MED14: variants seen among roughly 807,000 people sequenced by gnomAD.
MED14 encodes the protein mediator of RNA polymerase II transcription subunit 14.
MED14 carries 8 observed loss-of-function variants against 109.0 expected under a neutral mutation model. The ratio of observed to expected loss-of-function variants is 0.07; its 90% CI spans 0.04 to 0.13. The LOEUF is 0.13. MED14 is among the 10% of genes least tolerant of loss of function. The pLI, the probability that MED14 is intolerant of heterozygous loss-of-function variation, is 1.00. For missense variants in MED14, 711 were observed against 1,142.4 expected (o/e 0.62, Z 5.44); for synonymous variants, 399 against 408.7 (o/e 0.98, Z 0.29).
chrX:40,650,262 C>T lies in MED14; in HGVS notation c.*1544G>A. 2.7e-6 allele frequency: 2 copies of T among 753,150 alleles called. No homozygotes were observed. Among genetic ancestry groups the T allele is most frequent in the Non-Finnish European group, 3.1e-6 (2 of 638,495 alleles). The allele number at this position is 753,150 out of a possible 1,213,427, so 62.1% of individuals were successfully genotyped here. A position where few individuals can be genotyped will look rare whatever the true frequency, so the allele number is the denominator to read the frequency against. On this transcript the variant is annotated 3_prime_UTR_variant, in exon 31 of 31. Transcript: ENST00000324817. Reference sequence around the variant, plus strand: ...TTGGGTGAGAAGTGGGAGATGAAGGCAGAAATAAGACAAAGAAGAAAGGCA... The same window carrying T: ...TTGGGTGAGAAGTGGGAGATGAAGGTAGAAATAAGACAAAGAAGAAAGGCA...
intron 21 of MED14, among the ~76,000 whole-genome samples, chrX:40,679,593 A>C (rs1930040229): frequency 8.9e-6 from 1 of 112,308 alleles, no homozygotes; most frequent in East Asian, 2.8e-4. Context: ...TCCAAAGACC[A>C]AACACAAATT....
At chrX:40,712,585 A>T (rs1931374486) in intron 6 of MED14, among the ~76,000 whole-genome samples, 1 of 111,787 alleles carries the variant, frequency 8.9e-6, no homozygotes, top group Non-Finnish European at 1.9e-5. Context: ...GCTAGAGTGC[A>T]GTGGCATGAT....
chrX:40,652,235 T>A (rs1231765130), intron 30 of MED14, among the ~76,000 whole-genome samples: 1 of 112,125 alleles, frequency 8.9e-6, no homozygotes, highest in Non-Finnish European at 1.9e-5. Context: ...CATAAAAACA[T>A]CTAGTTTATA....
chrX:40,697,771 C>A (rs1276146390), intron 12 of MED14, among the ~76,000 whole-genome samples: 1 of 111,900 alleles, frequency 8.9e-6, no homozygotes, highest in Non-Finnish European at 1.9e-5. Flanking sequence ...AATGAAACTA[C>A]AGAAAATAAG....
intron 22 of MED14, among the ~76,000 whole-genome samples, chrX:40,672,376 G>A (rs760139479): frequency 9.0e-6 from 1 of 111,709 alleles, no homozygotes; most frequent in East Asian, 2.8e-4. Context: ...AGTTTAACTG[G>A]CAGTGTTTTT....
At chrX:40,692,066 A>G (rs1486505461) in intron 15 of MED14, 117 bp downstream of exon 15, 2 of 644,658 alleles carry the variant, frequency 3.1e-6, no homozygotes, top group Non-Finnish European at 4.6e-6. Context: ...TCCTCCCAAA[A>G]TGAACAGGAT....
chrX:40,707,550 A>C (rs1300854755), intron 10 of MED14, among the ~76,000 whole-genome samples: 1 of 112,341 alleles, frequency 8.9e-6, no homozygotes, highest in Non-Finnish European at 1.9e-5. Context: ...AACAATGATG[A>C]ATGGATAAAC....
At chrX:40,653,570 C>CA (rs1177272306) in intron 30 of MED14, among the ~76,000 whole-genome samples, 1 of 112,020 alleles carries the variant, frequency 8.9e-6, no homozygotes, top group Admixed American at 9.5e-5. Flanking sequence ...GAGAGAGATA[C>CA]AGAGAACTTC....
At chrX:40,736,080 C>T (rs1215754154), upstream of MED14, among the ~76,000 whole-genome samples, 3 of 112,149 alleles carry the variant, frequency 2.7e-5, no homozygotes, top group Admixed American at 9.3e-5. Flanking sequence ...GGGAGGCCTC[C>T]TCTAAATGTT....
chrX:40,653,719 C>G (rs1486011193), intron 30 of MED14, among the ~76,000 whole-genome samples: 4 of 111,749 alleles, frequency 3.6e-5, no homozygotes, highest in Non-Finnish European at 7.5e-5. Context: ...TAAGTGAAGT[C>G]TACTCCAGTA....
At chrX:40,734,723 CACTCA>C (rs1024317981) in intron 1 of MED14, among the ~76,000 whole-genome samples, 4 of 112,550 alleles carry the variant, frequency 3.6e-5, no homozygotes, top group Non-Finnish European at 7.5e-5. Flanking sequence ...AGACCTCAAA[CACTCA>C]AAAGTTCCAG....
chrX:40,675,166 G>A (rs1330031289), intron 22 of MED14, 55 bp downstream of exon 22: 1 of 1,085,313 alleles, frequency 9.2e-7, no homozygotes, highest in Non-Finnish European at 1.2e-6. Context: ...GACACCTATA[G>A]AACCTGTGAA....
At chrX:40,707,268 T>C (rs1931185881) in intron 10 of MED14, among the ~76,000 whole-genome samples, 1 of 112,324 alleles carries the variant, frequency 8.9e-6, no homozygotes. Context: ...CAAATGTTAC[T>C]GAGATAACTG....
rs148661746 is a variant in MED14 at position 40,672,259 on chromosome X, C to T, written c.3022-287G>A. Among the ~76,000 whole-genome samples the T allele has an allele frequency of 7.5e-4, 84 of 112,148 alleles. 1 individual carries two copies. The East Asian group carries it at 8.3e-3, about 11-fold the overall frequency. On this transcript the variant is annotated intron_variant, in intron 22 of 30. Coordinates refer to ENST00000324817, the MANE Select transcript of MED14 (RefSeq NM_004229.4). ...GCTCATTTTCTATCTAGCATATAAC[C>T]GATTTATCTCTATTATTTATCTACC...
At chrX:40,666,239 T>C (rs781054136) in intron 24 of MED14, among the ~76,000 whole-genome samples, 104 of 112,077 alleles carry the variant, frequency 9.3e-4, no homozygotes, top group Non-Finnish European at 1.6e-3. Flanking sequence ...ACTAGGTGGT[T>C]AGTGGAATAA....
chrX:40,683,278 G>GT (rs1315683097), intron 16 of MED14, among the ~76,000 whole-genome samples: 1 of 111,929 alleles, frequency 8.9e-6, no homozygotes, highest in Non-Finnish European at 1.9e-5. Flanking sequence ...AAGAATACTG[G>GT]TTTTCTACAA....
chrX:40,665,118 T>C (rs1429174311), intron 24 of MED14, among the ~76,000 whole-genome samples: 4 of 112,389 alleles, frequency 3.6e-5, no homozygotes, highest in Admixed American at 9.5e-5. Context: ...AAAATACTTT[T>C]ACCATGTATA....
chrX:40,713,884 T>C lies in MED14; in HGVS notation c.546A>G (p.Pro182=), dbSNP rs770136909. 5.0e-6 allele frequency: 6 copies of C among 1,210,005 alleles called. No individual in the cohort carries two copies. The South Asian group carries it at 1.1e-4, about 21-fold the overall frequency. The part of the protein sequence containing the change: ...CIRDKIIPPD[P]ITKIEKQATL... ...TGGCTTGTTTTTCAATTTTGGTAAT[T>C]GGGTCTGGAGGAATAATTTTGTCCT... The change falls in exon 5 of 31, where the codon CCA becomes CCG. Residue 182 remains proline, a synonymous_variant. Transcript: ENST00000324817.
chrX:40,696,948 T>A (rs1930745301), intron 13 of MED14, 76 bp downstream of exon 13: 2 of 901,114 alleles, frequency 2.2e-6, no homozygotes, highest in Admixed American at 2.8e-5. Flanking sequence ...CATTGGCAAG[T>A]TAAACAATAA....
Sources: allele counts gnomAD v4.1 joint callset (sites outside exome capture counted in the v4.1 genomes callset), GRCh38; gene constraint gnomAD v4.1.1; transcripts MANE v1.5; gene names NCBI Gene and HGNC (gene_info 2026-07-23, HGNC 2026-07-21).